The following ZNHIT6 variants were observed in gnomAD, a reference collection of about 807,000 sequenced individuals.
ZNHIT6 encodes the protein zinc finger HIT-type containing 6, also known as box C/D snoRNA protein 1.
Under a neutral mutation model 57.2 loss-of-function variants are expected in ZNHIT6, and 45 were observed. The ratio of observed to expected loss-of-function variants is 0.79; its 90% CI spans 0.62 to 1.01. ZNHIT6 has a LOEUF of 1.01. Among genes scored for constraint, ZNHIT6 ranks in the 50% least tolerant of loss-of-function variants. The probability of loss-of-function intolerance (pLI) is 0.00; values close to 1 mark genes in which losing one functional copy is unlikely to be tolerated. For missense variants in ZNHIT6, 528 were observed against 567.3 expected, an observed-to-expected ratio of 0.93 and a Z score of 0.70; for synonymous variants, 188 against 190.0, an observed-to-expected ratio of 0.99 and a Z score of 0.09.
At chr1:85,662,038 A>G (rs913998270) in intron 8 of ZNHIT6, among the ~76,000 whole-genome samples, 1 of 152,112 alleles carries the variant, frequency 6.6e-6, no homozygotes, top group Non-Finnish European at 1.5e-5. Context: ...TATAAATAAA[A>G]GTTGTCATGA....
Position 85,652,404 on chromosome 1 carries a change from T to C in ZNHIT6, c.*1654A>G, listed in dbSNP as rs192207020. 10 of 152,340 alleles carry C rather than the reference T, an allele frequency of 6.6e-5. No individual in the cohort carries two copies. Among genetic ancestry groups the C allele is most frequent in the Non-Finnish European group, 1.3e-4 (9 of 68,028 alleles). The allele number at this position is 152,340 out of a possible 1,614,324, so 9.4% of individuals were successfully genotyped here. A position where few individuals can be genotyped will look rare whatever the true frequency, so the allele number is the denominator to read the frequency against. On this transcript the variant is annotated 3_prime_UTR_variant, in exon 10 of 10. Transcript: ENST00000370574. ...CTCTCCAATAATACTGTGAACAACG[T>C]AATTCTACACAAATTCTTTATCATA...
intron 8 of ZNHIT6, among the ~76,000 whole-genome samples, chr1:85,669,755 C>A (rs1187412148): frequency 6.6e-6 from 1 of 152,164 alleles, no homozygotes; most frequent in African/African-American, 2.4e-5. Flanking sequence ...TGCAAAGATG[C>A]CCATGCCCTC....
chr1:85,690,013 C>T (rs1662173680), intron 5 of ZNHIT6, among the ~76,000 whole-genome samples: 1 of 152,038 alleles, frequency 6.6e-6, no homozygotes, highest in Non-Finnish European at 1.5e-5. Flanking sequence ...ACTATAGGAA[C>T]CTAGGTAAAA....
intron 5 of ZNHIT6, among the ~76,000 whole-genome samples, chr1:85,697,252 T>C (rs1662401217): frequency 6.6e-6 from 1 of 152,208 alleles, no homozygotes; most frequent in South Asian, 2.1e-4. Flanking sequence ...CTCTGTGTCA[T>C]ATATGTTAAA....
At position 85,678,770 on chromosome 1, in the gene ZNHIT6, T is replaced by C; in HGVS notation, c.1100A>G (p.Asp367Gly). 6.4e-7 allele frequency: 1 copy of C among 1,564,158 alleles called. No individual in the cohort carries two copies. ...TTTTAGGATTTCATTAATAGTTTTA[T>C]CATCTGGTACTCTTTACAACAAAGA... ...AEYIEKRVPD[D>G]KTINEILKPY... Residue 367 changes from aspartate to glycine, a missense_variant, in exon 7 of 10, where the codon GAT (aspartate) becomes GGT (glycine). Asp to Gly is a moderately conservative substitution (Grantham distance 94). Coordinates refer to ENST00000370574, the MANE Select transcript of ZNHIT6 (RefSeq NM_017953.4).
At chr1:85,682,216 G>A (rs1162341805) in intron 5 of ZNHIT6, among the ~76,000 whole-genome samples, 1 of 146,916 alleles carries the variant, frequency 6.8e-6, no homozygotes, top group Non-Finnish European at 1.5e-5. Flanking sequence ...AGTAGACACA[G>A]GGTTTCACTA....
chr1:85,653,985 G>T lies in ZNHIT6; in HGVS notation c.*73C>A. On this transcript the variant is annotated 3_prime_UTR_variant, in exon 10 of 10. Coordinates refer to ENST00000370574, the MANE Select transcript of ZNHIT6 (RefSeq NM_017953.4). The stretch of plus-strand genomic sequence containing the variant: ...TCACCCATTGACAATACCCCAATCA[G>T]CCAACAGCCCATCAATGCAGAGTCT... 1 of 1,305,830 alleles carries T rather than the reference G, an allele frequency of 7.7e-7. No homozygotes were observed. Among genetic ancestry groups the T allele is most frequent in the Non-Finnish European group, 1.1e-6 (1 of 916,038 alleles). 80.9% of individuals were successfully genotyped at this position (1,305,830 alleles called of 1,614,324 possible). A position where few individuals can be genotyped will look rare whatever the true frequency, so the allele number is the denominator to read the frequency against.
At chr1:85,706,577 C>G in intron 1 of ZNHIT6, 70 bp from the exon 2 acceptor site, 1 of 1,334,418 alleles carries the variant, frequency 7.5e-7, no homozygotes, top group East Asian at 2.7e-5. Flanking sequence ...TTAGAATTCC[C>G]AATCAATTTA....
chr1:85,676,433 A>G (rs1661707128), intron 8 of ZNHIT6, among the ~76,000 whole-genome samples: 1 of 152,068 alleles, frequency 6.6e-6, no homozygotes, highest in Non-Finnish European at 1.5e-5. Flanking sequence ...TTTCCTTTGC[A>G]ATCACGACTT....
Position 85,679,561 on chromosome 1 carries a change from A to AT in ZNHIT6, c.1089-781dup, listed in dbSNP as rs1284083359. On this transcript the variant is annotated intron_variant, in intron 6 of 9. Coordinates refer to ENST00000370574, the MANE Select transcript of ZNHIT6 (RefSeq NM_017953.4). ...AATGAAATAGTTCACAAACATTAAA[A>AT]TGTTTTTTTTTTTTTTTTTTAATTT... Among the ~76,000 whole-genome samples the AT allele has an allele frequency of 1.4e-4, 11 of 77,526 alleles. 1 individual carries two copies. In the South Asian group the frequency reaches 1.8e-3, roughly 13 times the overall value. The allele number at this position is 77,526 out of a possible 152,430, so 50.9% of individuals were successfully genotyped here.
At chr1:85,687,295 A>AAAAAAAAAAAAAAAAAAAAAAAAAAAAT (rs1662082039) in intron 5 of ZNHIT6, among the ~76,000 whole-genome samples, 1 of 132,970 alleles carries the variant, frequency 7.5e-6, no homozygotes, top group African/African-American at 2.8e-5. Flanking sequence ...AAACAAAAAA[A>AAAAAAAAAAAAAAAAAAAAAAAAAAAAT]AAACAAAAAA....
intron 8 of ZNHIT6, among the ~76,000 whole-genome samples, chr1:85,662,498 T>A (rs1030636261): frequency 1.4e-4 from 6 of 42,944 alleles, no homozygotes; most frequent in African/African-American, 3.3e-4. Context: ...TCAACTAAAT[T>A]ATTCCAAAAA....
At chr1:85,705,022 G>A (rs1014194885) in intron 4 of ZNHIT6, among the ~76,000 whole-genome samples, 27 of 152,138 alleles carry the variant, frequency 1.8e-4, no homozygotes, top group Admixed American at 3.3e-4. Flanking sequence ...AATTCAAACA[G>A]TACACCCAAG....
chr1:85,654,185 G>A (rs1660993143), intron 9 of ZNHIT6, 87 bp from the exon 10 acceptor site: 5 of 1,175,398 alleles, frequency 4.3e-6, no homozygotes, highest in Admixed American at 2.2e-5. Flanking sequence ...TCCTTCTGAT[G>A]TACAGCAAAA....
chr1:85,707,517 A>C, intron 1 of ZNHIT6, 112 bp downstream of exon 1: 1 of 1,291,990 alleles, frequency 7.7e-7, no homozygotes. Context: ...AGAAACCCAA[A>C]CTTGTGCTCA....
In ZNHIT6 at chr1:85,657,878, T is replaced by C; in HGVS notation, c.1341A>G (p.Gly447=). The C allele has an allele frequency of 6.2e-7, 1 of 1,608,590 alleles. No individual in the cohort carries two copies. Among genetic ancestry groups the C allele is most frequent in the Non-Finnish European group, 8.5e-7 (1 of 1,177,378 alleles). The change falls in exon 9 of 10, where the codon GGA becomes GGG. Residue 447 remains glycine, a synonymous_variant. Transcript: ENST00000370574. ...EYPTLHVVLK[G]SNNDMKVLHQ... is the part of the protein sequence containing the mutation. ...GAAGAACTTTCATGTCATTATTGGA[T>C]CCTTTCAATACCACATGTAATGTTG...
At chr1:85,694,300 G>A (rs1662299828) in intron 5 of ZNHIT6, among the ~76,000 whole-genome samples, 1 of 152,298 alleles carries the variant, frequency 6.6e-6, no homozygotes, top group African/African-American at 2.4e-5. Context: ...GCCCAGTAGA[G>A]GGATGCCTGC....
chr1:85,679,358 C>G (rs1570307769), intron 6 of ZNHIT6, among the ~76,000 whole-genome samples: 1 of 152,088 alleles, frequency 6.6e-6, no homozygotes, highest in Non-Finnish European at 1.5e-5. Flanking sequence ...TTCATATATA[C>G]TATTGGCTAC....
chr1:85,673,427 C>A lies in ZNHIT6; in HGVS notation c.1247+3809G>T, dbSNP rs1297713961. On this transcript the variant is annotated intron_variant, in intron 8 of 9. Coordinates refer to ENST00000370574, the MANE Select transcript of ZNHIT6 (RefSeq NM_017953.4). ...TAAGTCATGTATGGCAAAGCTAAAA[C>A]CTGGAAAAAACTTAAGCATGCTCTA... 2.6e-5 allele frequency among the ~76,000 whole-genome samples: 4 copies of A among 152,238 alleles called. No individual in the cohort carries two copies. The East Asian group carries it at 7.7e-4, about 29-fold the overall frequency.
Sources: gnomAD v4.1 joint callset for allele counts (sites outside exome capture counted in the v4.1 genomes callset) on GRCh38, gnomAD v4.1.1 for gene constraint, MANE v1.5 for transcripts, NCBI Gene and HGNC (gene_info 2026-07-23, HGNC 2026-07-21) for gene names.